Variants in FRMPD4 observed in about 807,000 individuals in gnomAD.
The protein encoded by FRMPD4 is FERM and PDZ domain containing 4.
A neutral mutation model predicts 94.1 loss-of-function variants in FRMPD4; 22 were observed. The ratio of observed to expected loss-of-function variants is 0.23; its 90% confidence interval spans 0.17 to 0.33. The LOEUF (loss-of-function observed/expected upper bound fraction) is 0.33, where lower values mean the gene tolerates loss of function less well. Among genes scored for constraint, FRMPD4 ranks in the 10% least tolerant of loss-of-function variants. FRMPD4 has a pLI of 1.00. For synonymous variants in FRMPD4, 631 were observed against 548.6 expected (o/e 1.15, Z -2.10); for missense variants, 1,111 against 1,339.9 (o/e 0.83, Z 2.67).
At chrX:12,010,859 C>A (rs1368044121) in intron 3 of FRMPD4, among the ~76,000 whole-genome samples, 15 of 111,903 alleles carry the variant, frequency 1.3e-4, no homozygotes, top group South Asian at 1.1e-3. Flanking sequence ...CATGTTTGGA[C>A]TTGTAGAGGT....
At chrX:12,121,495 A>G (rs1017018340) in intron 3 of FRMPD4, among the ~76,000 whole-genome samples, 3 of 112,019 alleles carry the variant, frequency 2.7e-5, no homozygotes, top group Non-Finnish European at 5.6e-5. Flanking sequence ...TTTTAAGAGT[A>G]TAATGGGGAT....
chrX:12,077,812 A>G (rs1220292742), intron 3 of FRMPD4, among the ~76,000 whole-genome samples: 1 of 111,906 alleles, frequency 8.9e-6, no homozygotes, highest in African/African-American at 3.2e-5. Flanking sequence ...GAAGAGTATT[A>G]CATGGCTCCA....
At chrX:12,391,216 GATTGA>G (rs1298915407) in intron 1 of FRMPD4, among the ~76,000 whole-genome samples, 27 of 28,932 alleles carry the variant, frequency 9.3e-4, no homozygotes, top group Non-Finnish European at 1.5e-3. Context: ...TGTGATTGAA[GATTGA>G]AATGGGGAAG....
At chrX:11,958,386 A>C (rs2147370881) in intron 3 of FRMPD4, among the ~76,000 whole-genome samples, 1 of 112,252 alleles carries the variant, frequency 8.9e-6, no homozygotes, top group South Asian at 3.7e-4. Flanking sequence ...ATCAGTTCTG[A>C]TGAGCTGATC....
chrX:12,394,912 G>A (rs1306709516), intron 1 of FRMPD4, among the ~76,000 whole-genome samples: 1 of 111,481 alleles, frequency 9.0e-6, no homozygotes, highest in African/African-American at 3.3e-5. Flanking sequence ...TTGCATTTGG[G>A]TCACAAATGC....
intron 1 of FRMPD4, among the ~76,000 whole-genome samples, chrX:12,452,276 A>C (rs1164330149): frequency 8.9e-6 from 1 of 112,580 alleles, no homozygotes; most frequent in Non-Finnish European, 1.9e-5. Flanking sequence ...AAATAATTTT[A>C]GATCACTCAT....
At chrX:12,332,556 C>T (rs904096229) in intron 1 of FRMPD4, among the ~76,000 whole-genome samples, 6 of 110,220 alleles carry the variant, frequency 5.4e-5, no homozygotes, top group Non-Finnish European at 1.1e-4. Flanking sequence ...ATGGTGTTTT[C>T]CAAGTCGTTT....
chrX:12,153,173 T>C (rs746987152), intron 1 of FRMPD4, among the ~76,000 whole-genome samples: 1 of 111,223 alleles, frequency 9.0e-6, no homozygotes, highest in South Asian at 3.8e-4. Flanking sequence ...CCTGACCTCA[T>C]GATCCACCCG....
At chrX:12,105,616 A>T (rs937469433) in intron 3 of FRMPD4, among the ~76,000 whole-genome samples, 5 of 112,822 alleles carry the variant, frequency 4.4e-5, no homozygotes, top group Non-Finnish European at 9.4e-5. Flanking sequence ...ATGCATGTTG[A>T]TGATGATAAC....
At chrX:11,884,996 A>G (rs931853610) in intron 3 of FRMPD4, among the ~76,000 whole-genome samples, 2 of 111,589 alleles carry the variant, frequency 1.8e-5, no homozygotes. Flanking sequence ...AAATGGATGC[A>G]CCGAAACTGT....
chrX:11,836,520 A>G (rs1360893775), intron 1 of FRMPD4, among the ~76,000 whole-genome samples: 1 of 111,857 alleles, frequency 8.9e-6, no homozygotes, highest in Non-Finnish European at 1.9e-5. Flanking sequence ...AATGTGAGGA[A>G]GTTGACTCAC....
intron 4 of FRMPD4, among the ~76,000 whole-genome samples, chrX:12,651,525 A>G (rs1009643962): frequency 9.1e-6 from 1 of 110,277 alleles, no homozygotes; most frequent in Non-Finnish European, 1.9e-5. Flanking sequence ...TTGCAGTCAC[A>G]TTGCTTGCTG....
chrX:12,724,475 G>A lies in FRMPD4; in HGVS notation c.*2617G>A, dbSNP rs978483548. On this transcript the variant is annotated 3_prime_UTR_variant, in exon 17 of 17. Transcript: ENST00000675598. Reference sequence around the variant, plus strand: ...TTTTATAATGGCATAATAGTACAATGGTACATGTACATAATTTTAAATAAA... The same window carrying A: ...TTTTATAATGGCATAATAGTACAATAGTACATGTACATAATTTTAAATAAA... 1 of 111,321 alleles carries A rather than the reference G, an allele frequency of 9.0e-6. No homozygotes were observed. 9.2% of individuals were successfully genotyped at this position (111,321 alleles called of 1,213,427 possible).
chrX:12,396,438 G>A (rs1361764260), intron 1 of FRMPD4, among the ~76,000 whole-genome samples: 1 of 112,146 alleles, frequency 8.9e-6, no homozygotes, highest in Non-Finnish European at 1.9e-5. Flanking sequence ...CTCTTTAAAA[G>A]CACATTTTTA....
At chrX:12,509,024 G>A (rs1025734950) in intron 2 of FRMPD4, among the ~76,000 whole-genome samples, 1 of 103,744 alleles carries the variant, frequency 9.6e-6, no homozygotes, top group African/African-American at 3.5e-5. Flanking sequence ...AAGAATTTAG[G>A]CATTTAGTGG....
At chrX:12,036,607 A>T (rs2054721971) in intron 3 of FRMPD4, among the ~76,000 whole-genome samples, 2 of 111,945 alleles carry the variant, frequency 1.8e-5, no homozygotes, top group African/African-American at 6.5e-5. Context: ...ATTATTTAAA[A>T]ATTCAATAAA....
chrX:12,127,761 A>G (rs774723718), intron 3 of FRMPD4, among the ~76,000 whole-genome samples: 1 of 112,585 alleles, frequency 8.9e-6, no homozygotes, highest in South Asian at 3.7e-4. Context: ...GTAAAATAAA[A>G]AACAAGTTAA....
In FRMPD4 at chrX:12,305,725, G is replaced by GTTTTTTTTT. The variant is rs58794898; in HGVS notation, c.41+166727_41+166735dup. Among the ~76,000 whole-genome samples, 18 of 59,695 alleles carry GTTTTTTTTT rather than the reference G, an allele frequency of 3.0e-4. 2 individuals are homozygous for GTTTTTTTTT. The highest frequency in any genetic ancestry group is 9.1e-4 in the African/African-American group (12 of 13,236). The allele number at this position is 59,695 out of a possible 115,157, so 51.8% of individuals were successfully genotyped here. On this transcript the variant is annotated intron_variant, in intron 1 of 16. Transcript: ENST00000675598. ...GGCATGTACCACCACAGCTGGCTAAGTTTTTTTTTTTTTTTTTTTTTTACA... is the reference window on the plus strand; with the variant it reads ...GGCATGTACCACCACAGCTGGCTAAGTTTTTTTTTTTTTTTTTTTTTTTTTTTTTTTACA...
intron 2 of FRMPD4, among the ~76,000 whole-genome samples, chrX:12,561,853 T>G (rs1380848284): frequency 8.9e-6 from 1 of 112,292 alleles, no homozygotes; most frequent in African/African-American, 3.2e-5. Context: ...TATTCGGGGA[T>G]AGCAATAGAT....
Sources: allele counts gnomAD v4.1 joint callset (sites outside exome capture counted in the v4.1 genomes callset), GRCh38; gene constraint gnomAD v4.1.1; transcripts MANE v1.5; gene names NCBI Gene and HGNC (gene_info 2026-07-23, HGNC 2026-07-21).